The following ASB9 variants were observed in gnomAD, a reference collection of about 807,000 sequenced individuals.
The protein encoded by ASB9 is ankyrin repeat and SOCS box containing 9, also known as ankyrin repeat and SOCS box protein 9.
ASB9 carries 5 observed loss-of-function variants against 16.6 expected under a neutral mutation model. The observed-to-expected ratio is 0.30, with a 90% CI of 0.16 to 0.63. ASB9 has a LOEUF of 0.63. Ranked by LOEUF, ASB9 falls within the 30% of genes least tolerant of loss-of-function variation. The pLI, the probability that ASB9 is intolerant of heterozygous loss-of-function variation, is 0.82. For missense variants in ASB9, 216 were observed against 229.4 expected, an observed-to-expected ratio of 0.94 and a Z score of 0.38; for synonymous variants, 100 against 86.4, an observed-to-expected ratio of 1.16 and a Z score of -0.87.
In ASB9 at chrX:15,244,399, G is replaced by GA. The variant is rs1266138755; in HGVS notation, c.*106dup. The GA allele has an allele frequency of 1.1e-5, 10 of 938,652 alleles. No homozygotes were observed. The highest frequency in any genetic ancestry group is 8.6e-5 in the Admixed American group (3 of 34,985). 77.4% of individuals were successfully genotyped at this position (938,652 alleles called of 1,213,427 possible). A position where few individuals can be genotyped will look rare whatever the true frequency, so the allele number is the denominator to read the frequency against. On this transcript the variant is annotated 3_prime_UTR_variant, in exon 7 of 7. Coordinates refer to ENST00000380488, the MANE Select transcript of ASB9 (RefSeq NM_001031739.3). ...GTTTATAACAAATACAAATCTAATCGAAAAAACTAGTCAAACTCTATAAAT... is the reference window on the plus strand; with the variant it reads ...GTTTATAACAAATACAAATCTAATCGAAAAAAACTAGTCAAACTCTATAAAT...
At chrX:15,263,555 T>TTC (rs1275239503) in intron 1 of ASB9, among the ~76,000 whole-genome samples, 4 of 100,547 alleles carry the variant, frequency 4.0e-5, no homozygotes, top group Non-Finnish European at 8.0e-5. Flanking sequence ...CTTCTCTCTC[T>TTC]TCTCTCTCTT....
chrX:15,266,808 C>A (rs897121252), intron 1 of ASB9, among the ~76,000 whole-genome samples: 5 of 109,123 alleles, frequency 4.6e-5, no homozygotes, highest in Non-Finnish European at 9.5e-5. Context: ...TGGTGGCGGG[C>A]GCCTGTAGTC....
At chrX:15,267,425 T>TTAAAAAA (rs377056337) in intron 1 of ASB9, among the ~76,000 whole-genome samples, 1 of 87,639 alleles carries the variant, frequency 1.1e-5, no homozygotes, top group African/African-American at 4.1e-5. Flanking sequence ...AAAATATATA[T>TTAAAAAA]ATATATATAA....
chrX:15,254,970 G>A, intron 2 of ASB9, 126 bp from the exon 3 acceptor site: 1 of 449,189 alleles, frequency 2.2e-6, no homozygotes, highest in Non-Finnish European at 3.7e-6. Context: ...ACACTAAGGT[G>A]TTTATATTGA....
intron 1 of ASB9, among the ~76,000 whole-genome samples, chrX:15,266,197 C>A (rs1451805470): frequency 8.9e-6 from 1 of 111,854 alleles, no homozygotes; most frequent in Non-Finnish European, 1.9e-5. Context: ...CCTCAGCCTC[C>A]CAAAGTGCTG....
Position 15,258,882 on chromosome X carries a change from C to T in ASB9, c.158G>A (p.Arg53Lys), listed in dbSNP as rs1352272266. The T allele has an allele frequency of 8.3e-7, 1 of 1,210,253 alleles. No individual in the cohort carries two copies. The highest frequency in any genetic ancestry group is 2.2e-5 in the Admixed American group (1 of 46,028). The change falls in exon 2 of 7, where the codon AGG becomes AAG. Residue 53 changes from arginine (R) to lysine (K), a missense_variant. Transcript: ENST00000380488. ...AAAAGCTACCTGGCTGATGAGGTTCCTCAGAGACAGCTGATGTCCGTGGAT... is the reference window on the plus strand; with the variant it reads ...AAAAGCTACCTGGCTGATGAGGTTCTTCAGAGACAGCTGATGTCCGTGGAT... ...AAIHGHQLSL[R>K]NLISQGWAVN...
chrX:15,258,298 T>C (rs1349460863), intron 2 of ASB9, among the ~76,000 whole-genome samples: 2 of 111,980 alleles, frequency 1.8e-5, no homozygotes, highest in Non-Finnish European at 3.8e-5. Flanking sequence ...TAAGAAGTGA[T>C]ATATAAAAGC....
intron 3 of ASB9, among the ~76,000 whole-genome samples, chrX:15,254,060 C>G (rs998649196): frequency 1.8e-5 from 2 of 111,635 alleles, no homozygotes; most frequent in African/African-American, 6.5e-5. Context: ...TTTCTTAACC[C>G]AAATATAAAT....
At chrX:15,263,460 C>CAAACAGAAA (rs1926135538) in intron 1 of ASB9, among the ~76,000 whole-genome samples, 1 of 111,186 alleles carries the variant, frequency 9.0e-6, no homozygotes, top group Non-Finnish European at 1.9e-5. Context: ...ACAGAAAGGC[C>CAAACAGAAA]CACTGAGGCA....
intron 3 of ASB9, 83 bp from the exon 4 acceptor site, chrX:15,252,487 T>C: frequency 1.1e-6 from 1 of 898,734 alleles, no homozygotes; most frequent in Non-Finnish European, 1.5e-6. Context: ...GAAGATGTTA[T>C]TTAACATCTC....
intron 5 of ASB9, among the ~76,000 whole-genome samples, chrX:15,249,369 G>A (rs1383729276): frequency 8.9e-6 from 1 of 112,186 alleles, no homozygotes; most frequent in Non-Finnish European, 1.9e-5. Context: ...TGGACACTTG[G>A]GACTGGTGAT....
At chrX:15,267,252 ACACCCC>A (rs1410661388) in intron 1 of ASB9, among the ~76,000 whole-genome samples, 15 of 102,303 alleles carry the variant, frequency 1.5e-4, no homozygotes, top group African/African-American at 1.4e-4. Flanking sequence ...CAAAAAAAAA[ACACCCC>A]AAAAAATTAG....
intron 5 of ASB9, 102 bp from the exon 6 acceptor site, chrX:15,249,037 C>A: frequency 1.2e-6 from 1 of 817,122 alleles, no homozygotes. Context: ...AAGAGGGGAT[C>A]CATATTGAGC....
intron 3 of ASB9, among the ~76,000 whole-genome samples, chrX:15,252,828 T>C (rs935954738): frequency 8.9e-6 from 1 of 112,588 alleles, no homozygotes; most frequent in Admixed American, 9.4e-5. Flanking sequence ...AAGTATAATT[T>C]AGAAAACTTT....
Position 15,244,564 on chromosome X carries a change from T to C in ASB9, c.827A>G (p.His276Arg). The C allele has an allele frequency of 8.3e-7, 1 of 1,197,652 alleles. No homozygotes were observed. ...TGGGAGGACGAGTTTGGTTATCTTA[T>C]GATGCTGCTGGATTCCAAAACACTT... Reference protein sequence around the residue: ...IRKCFGIQQHHKITKLVLPED... With the variant: ...IRKCFGIQQHRKITKLVLPED... The change falls in exon 7 of 7, where the codon CAT (histidine) becomes CGT (arginine). Residue 276 changes from histidine to arginine, a missense_variant. His to Arg is a conservative substitution (Grantham distance 29, BLOSUM62 0). Transcript: ENST00000380488.
At chrX:15,268,353 A>ACAAAC (rs1926713573) in intron 1 of ASB9, among the ~76,000 whole-genome samples, 1 of 106,781 alleles carries the variant, frequency 9.4e-6, no homozygotes, top group Non-Finnish European at 1.9e-5. Flanking sequence ...ACAAAACAAA[A>ACAAAC]CACCCTGACT....
At position 15,270,081 on chromosome X, in the gene ASB9, T is replaced by TACAC. The variant is rs370190376; in HGVS notation, c.-208_-207insGTGT. ...GATCAGAGAGAGGCATGCGCTCGTG[T>TACAC]ACACACACACACACACACACACACA... On this transcript the variant is annotated 5_prime_UTR_variant, in exon 1 of 7. Transcript: ENST00000380488. 8.2e-3 allele frequency: 2,404 copies of TACAC among 292,671 alleles called. 14 individuals are homozygous for TACAC. Among genetic ancestry groups the TACAC allele is most frequent in the African/African-American group, 0.032 (1,053 of 32,413 alleles). The allele number at this position is 292,671 out of a possible 1,213,427, so 24.1% of individuals were successfully genotyped here.
chrX:15,247,573 T>G (rs924804457), intron 6 of ASB9, among the ~76,000 whole-genome samples: 1 of 112,768 alleles, frequency 8.9e-6, no homozygotes, highest in African/African-American at 3.2e-5. Context: ...CACAACTGTG[T>G]TGGTATAAAG....
intron 3 of ASB9, 94 bp downstream of exon 3, chrX:15,254,643 C>T: frequency 1.6e-6 from 1 of 637,869 alleles, no homozygotes; most frequent in Non-Finnish European, 2.5e-6. Flanking sequence ...TATTTCAAAT[C>T]AGTCTAATCA....
Sources: gnomAD v4.1 joint callset for allele counts (sites outside exome capture counted in the v4.1 genomes callset) on GRCh38, gnomAD v4.1.1 for gene constraint, MANE v1.5 for transcripts, NCBI Gene and HGNC (gene_info 2026-07-23, HGNC 2026-07-21) for gene names.